The following DOT1L variants were observed in gnomAD, a reference collection of about 807,000 sequenced individuals.
DOT1L encodes histone-lysine N-methyltransferase, H3 lysine-79 specific.
DOT1L carries 33 observed loss-of-function variants against 153.3 expected under a neutral mutation model. That is an observed-to-expected ratio of 0.22 (90% CI 0.16 to 0.29). The LOEUF is 0.29. Among genes scored for constraint, DOT1L ranks in the 10% least tolerant of loss-of-function variants. The probability of loss-of-function intolerance (pLI) is 1.00; values close to 1 mark genes in which losing one functional copy is unlikely to be tolerated. For missense variants in DOT1L, 1,847 were observed against 2,119.9 expected, an observed-to-expected ratio of 0.87 and a Z score of 2.53; for synonymous variants, 1,135 against 965.1, an observed-to-expected ratio of 1.18 and a Z score of -3.26.
chr19:2,232,036 G>C lies in DOT1L; in HGVS notation c.*2244G>C, dbSNP rs1599639545. The C allele has an allele frequency of 4.8e-6, 1 of 209,712 alleles. No individual in the cohort carries two copies. Among genetic ancestry groups the C allele is most frequent in the East Asian group, 7.1e-5 (1 of 14,048 alleles). The allele number at this position is 209,712 out of a possible 1,614,324, so 13.0% of individuals were successfully genotyped here. A position where few individuals can be genotyped will look rare whatever the true frequency, so the allele number is the denominator to read the frequency against. On this transcript the variant is annotated 3_prime_UTR_variant, in exon 28 of 28. Coordinates refer to ENST00000398665, the MANE Select transcript of DOT1L (RefSeq NM_032482.3). ...CCTGTGTTCTTCTCAGACACTCCCAGACTGAGGGGTGGTGTGTGGCGGGTG... is the reference window on the plus strand; with the variant it reads ...CCTGTGTTCTTCTCAGACACTCCCACACTGAGGGGTGGTGTGTGGCGGGTG...
chr19:2,207,474 G>C lies in DOT1L; in HGVS notation c.857-100G>C, dbSNP rs552654221. Reference sequence around the variant, plus strand: ...TGTGGGAGAAGAGGGAAGACGCGCAGCTCAGGCTTCTGTCCCCACGCCTGC... The same window carrying C: ...TGTGGGAGAAGAGGGAAGACGCGCACCTCAGGCTTCTGTCCCCACGCCTGC... On this transcript the variant is annotated intron_variant, in intron 10 of 27. Coordinates refer to ENST00000398665, the MANE Select transcript of DOT1L (RefSeq NM_032482.3). The surrounding 1 kb of genome is among the most constrained non-coding windows in gnomAD (Gnocchi z 4.5). 6 of 998,468 alleles carry C rather than the reference G, an allele frequency of 6.0e-6. No homozygotes were observed. Among genetic ancestry groups the C allele is most frequent in the Non-Finnish European group, 8.9e-6 (6 of 676,610 alleles). 61.9% of individuals were successfully genotyped at this position (998,468 alleles called of 1,614,324 possible). A position where few individuals can be genotyped will look rare whatever the true frequency, so the allele number is the denominator to read the frequency against.
intron 27 of DOT1L, chr19:2,228,745 C>T: frequency 3.0e-6 from 3 of 985,422 alleles, no homozygotes; most frequent in Non-Finnish European, 3.6e-6. Context: ...CCATCCGCAC[C>T]AGGCCCAGGT....
At chr19:2,181,489 C>G (rs1318857262) in intron 2 of DOT1L, among the ~76,000 whole-genome samples, 1 of 152,238 alleles carries the variant, frequency 6.6e-6, no homozygotes, top group African/African-American at 2.4e-5. Context: ...GCCCCTAGCT[C>G]CTGAGGCCCT....
chr19:2,178,565 C>T (rs915744533), intron 1 of DOT1L, among the ~76,000 whole-genome samples: 1 of 151,838 alleles, frequency 6.6e-6, no homozygotes, highest in African/African-American at 2.4e-5. Flanking sequence ...TACAGGCACC[C>T]GTCACTACGC....
Position 2,208,847 on chromosome 19 carries a change from C to T in DOT1L, c.964-88C>T. On this transcript the variant is annotated intron_variant, in intron 11 of 27. Transcript: ENST00000398665. This position sits in a 1 kb window ranked among gnomAD's most constrained non-coding sequence, Gnocchi z 4.4. ...CAGAACAGCCTCCCCAGCCACTGTC[C>T]AGGTTGCTGTTGTTACCTGGGTGTC... 7.3e-7 allele frequency: 1 copy of T among 1,374,852 alleles called. No homozygotes were observed. The allele number at this position is 1,374,852 out of a possible 1,614,324, so 85.2% of individuals were successfully genotyped here. A position where few individuals can be genotyped will look rare whatever the true frequency, so the allele number is the denominator to read the frequency against.
intron 20 of DOT1L, 73 bp downstream of exon 20, chr19:2,216,838 G>T (rs912657438): frequency 1.3e-6 from 2 of 1,554,514 alleles, no homozygotes; most frequent in African/African-American, 1.3e-5. Context: ...CAGGCTGTCG[G>T]GTTCTCAGCA....
chr19:2,193,844 C>G lies in DOT1L; in HGVS notation c.588+61C>G. ...AGGGGACCATCAGAGAAAGTGACGC[C>G]CTGGGTGCCTGCACCCCACTGCTGT... On this transcript the variant is annotated intron_variant, in intron 6 of 27. Coordinates refer to ENST00000398665, the MANE Select transcript of DOT1L (RefSeq NM_032482.3). This position sits in a 1 kb window ranked among gnomAD's most constrained non-coding sequence, Gnocchi z 5.9. The G allele has an allele frequency of 6.5e-7, 1 of 1,543,022 alleles. No homozygotes were observed.
intron 1 of DOT1L, among the ~76,000 whole-genome samples, chr19:2,168,441 T>A (rs776306703): frequency 3.3e-4 from 51 of 152,252 alleles, no homozygotes; most frequent in Non-Finnish European, 5.4e-4. Flanking sequence ...GGTGGCTGCT[T>A]GGAGGAGGGG....
intron 23 of DOT1L, chr19:2,221,760 G>A: frequency 1.8e-6 from 1 of 553,404 alleles, no homozygotes. Context: ...CAGCCCAGAT[G>A]GGCGGGAGGA....
In DOT1L at chr19:2,232,102, T is replaced by C. The variant is rs2024624845; in HGVS notation, c.*2310T>C. On this transcript the variant is annotated 3_prime_UTR_variant, in exon 28 of 28. Coordinates refer to ENST00000398665, the MANE Select transcript of DOT1L (RefSeq NM_032482.3). ...AGACTGGGGATCTGGAGCCTGGTGC[T>C]GGCACCTGGCCTGAGTTTCCGTGGG... 3 of 212,546 alleles carry C rather than the reference T, an allele frequency of 1.4e-5. No homozygotes were observed. The highest frequency in any genetic ancestry group is 1.2e-4 in the Admixed American group (2 of 17,016). The allele number at this position is 212,546 out of a possible 1,614,324, so 13.2% of individuals were successfully genotyped here.
chr19:2,171,107 C>T lies in DOT1L; in HGVS notation c.81+6842C>T, dbSNP rs142715093. Among the ~76,000 whole-genome samples, 321 of 152,308 alleles carry T rather than the reference C, an allele frequency of 2.1e-3. 1 individual carries two copies. The highest frequency in any genetic ancestry group is 7.4e-3 in the African/African-American group (309 of 41,564). ...CCTCCTGAGTAGCTGGGATTACAGG[C>T]ATGAGCCACCACGCCTGGCTAAATT... On this transcript the variant is annotated intron_variant, in intron 1 of 27. Coordinates refer to ENST00000398665, the MANE Select transcript of DOT1L (RefSeq NM_032482.3).
intron 1 of DOT1L, among the ~76,000 whole-genome samples, chr19:2,176,465 C>T (rs1329536405): frequency 1.3e-5 from 2 of 152,198 alleles, no homozygotes; most frequent in South Asian, 2.1e-4. Context: ...TTTAGAAGTA[C>T]ACTTACGTGG....
chr19:2,164,586 GC>G, intron 1 of DOT1L: 2 of 208,796 alleles, frequency 9.6e-6, no homozygotes, highest in Non-Finnish European at 1.9e-5. Flanking sequence ...TTGACTGGAA[GC>G]CCGCCCGCCC....
intron 12 of DOT1L, among the ~76,000 whole-genome samples, chr19:2,209,508 G>A (rs1277421344): frequency 6.6e-6 from 1 of 152,188 alleles, no homozygotes; most frequent in South Asian, 2.1e-4. Context: ...TCCCACCCTC[G>A]GTGCAGAGTG....
chr19:2,213,310 G>A, intron 16 of DOT1L: 1 of 487,462 alleles, frequency 2.1e-6, no homozygotes, highest in Non-Finnish European at 3.7e-6. Flanking sequence ...GGTGGCAGGT[G>A]CAGTCCCTCC....
chr19:2,227,585 C>CGTG (rs2024405844), intron 27 of DOT1L: 1 of 905,976 alleles, frequency 1.1e-6, no homozygotes, highest in Non-Finnish European at 1.5e-6. Flanking sequence ...GGCGGGCCAC[C>CGTG]ACGAGCCTGG....
Position 2,204,291 on chromosome 19 carries a change from CTGTG to C in DOT1L, c.787+1519_787+1522del, listed in dbSNP as rs1467408235. Among the ~76,000 whole-genome samples, 1 of 151,066 alleles carries C rather than the reference CTGTG, an allele frequency of 6.6e-6. No homozygotes were observed. Among genetic ancestry groups the C allele is most frequent in the African/African-American group, 2.5e-5 (1 of 40,740 alleles). ...TCTATGTATGTGTCTGCTTGTTTGT[CTGTG>C]TGTGTGCATGCATGCCTGTGTCTCT... On this transcript the variant is annotated intron_variant, in intron 9 of 27. Coordinates refer to ENST00000398665, the MANE Select transcript of DOT1L (RefSeq NM_032482.3). This position sits in a 1 kb window ranked among gnomAD's most constrained non-coding sequence, Gnocchi z 5.7.
rs1012970762 is a variant in DOT1L, at chr19:2,208,275, C to T, written c.963+595C>T. Among the ~76,000 whole-genome samples the T allele has an allele frequency of 8.5e-5, 13 of 152,258 alleles. No individual in the cohort carries two copies. The highest frequency in any genetic ancestry group is 6.8e-3 in the Middle Eastern group (2 of 294). ...GGGAGGCTTCCCCTGGTCTCTTTCC[C>T]GTCCTTTGGTTGGGCACTCTGTTCC... On this transcript the variant is annotated intron_variant, in intron 11 of 27. Transcript: ENST00000398665. The surrounding 1 kb of genome is among the most constrained non-coding windows in gnomAD (Gnocchi z 4.4).
chr19:2,224,009 C>T (rs1341181354), intron 25 of DOT1L, among the ~76,000 whole-genome samples: 1 of 152,218 alleles, frequency 6.6e-6, no homozygotes, highest in African/African-American at 2.4e-5. Flanking sequence ...CCCCCGCCCC[C>T]ATCCTACTTT....
Sources: allele counts gnomAD v4.1 joint callset (sites outside exome capture counted in the v4.1 genomes callset), GRCh38; gene constraint gnomAD v4.1.1; non-coding constraint Gnocchi (gnomAD v3.1); transcripts MANE v1.5; gene names NCBI Gene and HGNC (gene_info 2026-07-23, HGNC 2026-07-21).